Variants in SLC35D1 observed in about 807,000 individuals in gnomAD.
SLC35D1 encodes solute carrier family 35 member D1.
A neutral mutation model predicts 46.7 loss-of-function variants in SLC35D1; 31 were observed. That is an observed-to-expected ratio of 0.66 (90% confidence interval 0.50 to 0.90). The LOEUF is 0.90. SLC35D1 is among the 40% of genes least tolerant of loss of function. The pLI is 0.00. For synonymous variants in SLC35D1, 195 were observed against 164.6 expected, an observed-to-expected ratio of 1.18 and a Z score of -1.41; for missense variants, 397 against 426.2, an observed-to-expected ratio of 0.93 and a Z score of 0.60.
intron 9 of SLC35D1, 43 bp downstream of exon 9, chr1:67,021,492 T>C: frequency 6.2e-7 from 1 of 1,601,064 alleles, no homozygotes; most frequent in Admixed American, 1.7e-5. Context: ...TCTAACCTAT[T>C]TCTTTAGGAA....
At chr1:66,990,896 C>T in the SLC35D1 span, among the ~76,000 whole-genome samples, 26 of 152,260 alleles carry the variant, frequency 1.7e-4, no homozygotes, top group Middle Eastern at 3.4e-3. Context: ...CTGTTTTCCT[C>T]ACCATCATAC....
In SLC35D1 at chr1:67,053,893, G is replaced by A. The variant is rs1214169038; in HGVS notation, c.121C>T (p.Leu41=). Residue 41 remains leucine, a synonymous_variant, in exon 1 of 12, where the codon CTG becomes TTG. Transcript: ENST00000235345. The part of the protein sequence containing the change: ...MASAETLTVF[L]KLLAAGFYGV... ...TAAAAGCCGGCGGCCAGCAGCTTCAGAAACACGGTCAGCGTTTCGGCCGAC... is the reference window on the plus strand; with the variant it reads ...TAAAAGCCGGCGGCCAGCAGCTTCAAAAACACGGTCAGCGTTTCGGCCGAC... 1.2e-6 allele frequency: 2 copies of A among 1,613,826 alleles called. No individual in the cohort carries two copies. Among genetic ancestry groups the A allele is most frequent in the South Asian group, 1.1e-5 (1 of 91,076 alleles).
downstream of SLC35D1, among the ~76,000 whole-genome samples, chr1:66,995,477 A>G: frequency 9.5e-6 from 1 of 104,884 alleles, no homozygotes; most frequent in Non-Finnish European, 1.9e-5. Flanking sequence ...AAAAAAAAAA[A>G]AAAAACAGAC....
the SLC35D1 span, among the ~76,000 whole-genome samples, chr1:66,974,637 TTAA>T: frequency 6.6e-6 from 1 of 152,106 alleles, no homozygotes; most frequent in East Asian, 1.9e-4. Context: ...AACATAAGTA[TTAA>T]AAGTATAACC....
chr1:67,038,548 TA>T (rs34359750), intron 8 of SLC35D1, among the ~76,000 whole-genome samples: 26,032 of 150,308 alleles, frequency 0.17, 3,809 homozygotes, highest in African/African-American at 0.41. Context: ...GGCTTTGTAC[TA>T]AAAAAAAAAT....
chr1:67,034,880 G>T lies in SLC35D1; in HGVS notation c.729+7356C>A, dbSNP rs527508114. Among the ~76,000 whole-genome samples the T allele has an allele frequency of 2.6e-5, 4 of 152,150 alleles. No homozygotes were observed. The East Asian group carries it at 5.8e-4, about 22-fold the overall frequency. On this transcript the variant is annotated intron_variant, in intron 8 of 11. Transcript: ENST00000235345. ...AGGATTTTTATCATGAAGGGATTTT[G>T]AATTTTATCAAATGTTTTTTCCACC...
the SLC35D1 span, among the ~76,000 whole-genome samples, chr1:66,980,702 C>G: frequency 6.6e-6 from 1 of 152,106 alleles, no homozygotes; most frequent in South Asian, 2.1e-4. Flanking sequence ...TATTGAGTTT[C>G]TTTCTGTTCT....
intron 6 of SLC35D1, among the ~76,000 whole-genome samples, chr1:67,049,096 C>T (rs937553830): frequency 4.6e-5 from 7 of 152,112 alleles, no homozygotes; most frequent in Admixed American, 3.9e-4. Flanking sequence ...AGATCGAGAC[C>T]ATCCTGGCTA....
At chr1:66,998,403 C>T (rs569592897), downstream of SLC35D1, among the ~76,000 whole-genome samples, 34 of 152,236 alleles carry the variant, frequency 2.2e-4, no homozygotes, top group East Asian at 3.9e-3. Context: ...GCAGGAGAAT[C>T]GCTTGAACCC....
At chr1:67,008,203 A>G (rs1667488992) in intron 11 of SLC35D1, among the ~76,000 whole-genome samples, 1 of 152,118 alleles carries the variant, frequency 6.6e-6, no homozygotes, top group South Asian at 2.1e-4. Flanking sequence ...CAGCGGCGCA[A>G]TCTCGGATCA....
At chr1:67,018,254 C>T (rs987744272) in intron 10 of SLC35D1, among the ~76,000 whole-genome samples, 1 of 152,052 alleles carries the variant, frequency 6.6e-6, no homozygotes, top group South Asian at 2.1e-4. Context: ...CATGTAACAA[C>T]AAGGCTAGCA....
the SLC35D1 span, among the ~76,000 whole-genome samples, chr1:66,989,854 A>G: frequency 6.6e-6 from 1 of 152,202 alleles, no homozygotes; most frequent in African/African-American, 2.4e-5. Flanking sequence ...ATCAGAATAG[A>G]TTGATCTGAG....
chr1:67,039,520 T>TGTGTGTGTGC (rs753428337), intron 8 of SLC35D1, among the ~76,000 whole-genome samples: 12 of 148,298 alleles, frequency 8.1e-5, no homozygotes, highest in African/African-American at 3.1e-4. Flanking sequence ...TGTGTGTGTG[T>TGTGTGTGTGC]GCGCGCGTGG....
the SLC35D1 span, chr1:66,985,965 G>C: frequency 1.0e-6 from 1 of 985,140 alleles, no homozygotes; most frequent in African/African-American, 1.8e-5. Flanking sequence ...TTTAATGTCA[G>C]CTTAAGTGCT....
chr1:66,985,772 T>A, the SLC35D1 span: 2 of 948,744 alleles, frequency 2.1e-6, no homozygotes, highest in African/African-American at 3.6e-5. Context: ...TTAAGTCATA[T>A]TTCTTATCCA....
chr1:66,988,686 T>C, the SLC35D1 span: 4 of 152,332 alleles, frequency 2.6e-5, no homozygotes, highest in African/African-American at 7.2e-5. Flanking sequence ...TATTGAAGAA[T>C]TGCCATGTAA....
chr1:67,025,165 T>C (rs1667892272), intron 8 of SLC35D1, among the ~76,000 whole-genome samples: 1 of 152,192 alleles, frequency 6.6e-6, no homozygotes, highest in Non-Finnish European at 1.5e-5. Context: ...ATAAGATTTA[T>C]TGTGAGGTAC....
downstream of SLC35D1, among the ~76,000 whole-genome samples, chr1:66,997,544 T>C (rs1168955626): frequency 7.7e-5 from 6 of 77,756 alleles, no homozygotes; most frequent in East Asian, 3.1e-3. Flanking sequence ...ATATAACCCC[T>C]TTAGATATAG....
chr1:66,977,789 A>G, the SLC35D1 span, among the ~76,000 whole-genome samples: 3 of 152,192 alleles, frequency 2.0e-5, no homozygotes, highest in African/African-American at 7.2e-5. Flanking sequence ...ATTATTCCCT[A>G]ATGTTTACAG....
Sources: gnomAD v4.1 joint callset for allele counts (sites outside exome capture counted in the v4.1 genomes callset) on GRCh38, gnomAD v4.1.1 for gene constraint, MANE v1.5 for transcripts, NCBI Gene and HGNC (gene_info 2026-07-23, HGNC 2026-07-21) for gene names.